The following FOXP1 variants were observed in gnomAD, a reference collection of about 807,000 sequenced individuals.
FOXP1 encodes forkhead box protein P1.
FOXP1 carries 15 observed loss-of-function variants against 98.2 expected under a neutral mutation model. That is an observed-to-expected ratio of 0.15 (90% confidence interval 0.10 to 0.24). FOXP1 has a LOEUF of 0.24. Among genes scored for constraint, FOXP1 ranks in the 10% least tolerant of loss-of-function variants. The pLI is 1.00. For synonymous variants in FOXP1, 371 were observed against 314.5 expected (o/e 1.18, Z -1.90); for missense variants, 633 against 848.5 (o/e 0.75, Z 3.15).
chr3:71,254,391 T>G (rs1419030534), intron 5 of FOXP1, among the ~76,000 whole-genome samples: 1 of 152,192 alleles, frequency 6.6e-6, no homozygotes, highest in African/African-American at 2.4e-5. Context: ...CTGACCTCAC[T>G]CATGGAGGTA....
At chr3:71,012,129 G>A (rs1467434096) in intron 12 of FOXP1, among the ~76,000 whole-genome samples, 1 of 152,098 alleles carries the variant, frequency 6.6e-6, no homozygotes, top group Non-Finnish European at 1.5e-5. Context: ...CTGAGCTTAT[G>A]GATAGCAATT....
chr3:71,442,750 G>A (rs1259291934), intron 3 of FOXP1, among the ~76,000 whole-genome samples: 1 of 152,222 alleles, frequency 6.6e-6, no homozygotes, highest in Non-Finnish European at 1.5e-5. Flanking sequence ...GGAAAACCAG[G>A]GAGAAGGGGA....
intron 3 of FOXP1, among the ~76,000 whole-genome samples, chr3:71,464,719 A>C (rs1229461809): frequency 1.3e-5 from 2 of 152,088 alleles, no homozygotes; most frequent in Non-Finnish European, 2.9e-5. Context: ...GGCCTCTCTG[A>C]TTTCCGCTCA....
intron 17 of FOXP1, 103 bp downstream of exon 17, chr3:70,976,838 A>G (rs2037670262): frequency 1.2e-6 from 1 of 830,046 alleles, no homozygotes; most frequent in South Asian, 1.4e-5. Flanking sequence ...GAGTATCAAA[A>G]CAATATAAAT....
chr3:71,082,371 A>T (rs2107531366), intron 7 of FOXP1, among the ~76,000 whole-genome samples: 1 of 152,094 alleles, frequency 6.6e-6, no homozygotes, highest in South Asian at 2.1e-4. Flanking sequence ...GCCACCACAT[A>T]AATTATAAGT....
At chr3:71,117,146 A>G (rs1476736204) in intron 6 of FOXP1, among the ~76,000 whole-genome samples, 1 of 151,820 alleles carries the variant, frequency 6.6e-6, no homozygotes, top group Non-Finnish European at 1.5e-5. Flanking sequence ...GAAGTGCAAT[A>G]GCACAATCAC....
chr3:71,492,445 C>T (rs1437433801), intron 3 of FOXP1, among the ~76,000 whole-genome samples: 1 of 149,428 alleles, frequency 6.7e-6, no homozygotes, highest in East Asian at 1.9e-4. Flanking sequence ...TGGGAAACTC[C>T]GTCTCCAAAA....
At chr3:71,087,462 A>G (rs556319536) in intron 7 of FOXP1, among the ~76,000 whole-genome samples, 3 of 152,342 alleles carry the variant, frequency 2.0e-5, no homozygotes, top group Admixed American at 6.5e-5. Context: ...CCTTGATGCA[A>G]CAAATAAGGG....
chr3:71,529,957 T>G (rs1385644051), intron 2 of FOXP1, among the ~76,000 whole-genome samples: 2 of 152,098 alleles, frequency 1.3e-5, no homozygotes, highest in African/African-American at 4.8e-5. Flanking sequence ...TTCTAGCCGG[T>G]GGGTCAGAAG....
intron 12 of FOXP1, among the ~76,000 whole-genome samples, chr3:71,012,273 A>G (rs190942975): frequency 9.6e-4 from 146 of 152,268 alleles, no homozygotes; most frequent in Admixed American, 1.6e-3. Flanking sequence ...TCAGAATTTA[A>G]AAGTGGCTCT....
chr3:71,502,086 T>C (rs185980578), intron 2 of FOXP1, among the ~76,000 whole-genome samples: 1 of 152,352 alleles, frequency 6.6e-6, no homozygotes, highest in East Asian at 1.9e-4. Context: ...ACCCTATCTA[T>C]AACAAGTTGC....
chr3:70,995,647 A>T lies in FOXP1; in HGVS notation c.1062+5325T>A, dbSNP rs1002362017. On this transcript the variant is annotated intron_variant, in intron 13 of 20. Transcript: ENST00000649528. The stretch of plus-strand genomic sequence containing the variant: ...TTTACACTTTTAGATCCCAGTTAAT[A>T]GCTGGGGTCCACTGGTAAAATGTTT... Among the ~76,000 whole-genome samples the T allele has an allele frequency of 2.0e-5, 3 of 152,332 alleles. No homozygotes were observed. The East Asian group carries it at 5.8e-4, about 29-fold the overall frequency.
chr3:71,536,573 CT>C (rs3039465), intron 2 of FOXP1, among the ~76,000 whole-genome samples: 6,546 of 134,916 alleles, frequency 0.049, 393 homozygotes, highest in African/African-American at 0.16. Flanking sequence ...AACCATGTCT[CT>C]TTTTTTTTTT....
At chr3:71,354,205 G>A (rs1434212566) in intron 4 of FOXP1, among the ~76,000 whole-genome samples, 1 of 151,452 alleles carries the variant, frequency 6.6e-6, no homozygotes, top group Non-Finnish European at 1.5e-5. Context: ...CTTGAACCCA[G>A]GAGCGGAGGT....
intron 2 of FOXP1, among the ~76,000 whole-genome samples, chr3:71,535,698 T>A (rs578048183): frequency 1.3e-5 from 2 of 152,166 alleles, no homozygotes; most frequent in African/African-American, 2.4e-5. Context: ...CACTCCAGAC[T>A]GGGTGACAGA....
At chr3:71,224,791 G>A (rs1248627269) in intron 5 of FOXP1, among the ~76,000 whole-genome samples, 3 of 152,158 alleles carry the variant, frequency 2.0e-5, no homozygotes, top group Non-Finnish European at 2.9e-5. Context: ...TAGCACTGTA[G>A]GCCAAGGACA....
chr3:71,044,172 G>C (rs886102908), intron 10 of FOXP1, among the ~76,000 whole-genome samples: 1 of 152,164 alleles, frequency 6.6e-6, no homozygotes, highest in Admixed American at 6.5e-5. Context: ...CAGATAAAAG[G>C]TAACCCAGTC....
chr3:71,202,439 T>C (rs1445312334), intron 5 of FOXP1, among the ~76,000 whole-genome samples: 1 of 152,208 alleles, frequency 6.6e-6, no homozygotes, highest in Non-Finnish European at 1.5e-5. Flanking sequence ...GCCAGCAATA[T>C]TTCTATCAAA....
At position 70,966,023 on chromosome 3, in the gene FOXP1, T is replaced by C. The variant is rs201516644; in HGVS notation, c.1756A>G (p.Thr586Ala). 1 of 1,614,172 alleles carries C rather than the reference T, an allele frequency of 6.2e-7. No individual in the cohort carries two copies. Among genetic ancestry groups the C allele is most frequent in the Non-Finnish European group, 8.5e-7 (1 of 1,180,012 alleles). ...GTGGGATTTCCCATGGAAGCGGTAG[T>C]GTATAGAGGTATACTATTCTCAGCC... Reference protein sequence around the residue: ...SMAENSIPLYTTASMGNPTLG... With the variant: ...SMAENSIPLYATASMGNPTLG... The change falls in exon 20 of 21, where the codon ACT (threonine) becomes GCT (alanine). Residue 586 changes from threonine (T) to alanine (A), a missense_variant. Thr to Ala is a moderately conservative substitution (Grantham distance 58). Around this residue, in one of 6 missense-constraint regions of FOXP1, gnomAD observed 150 missense variants for 163.7 expected, o/e 0.92. Transcript: ENST00000649528.
Sources: allele counts gnomAD v4.1 joint callset (sites outside exome capture counted in the v4.1 genomes callset), GRCh38; gene constraint gnomAD v4.1.1; regional missense constraint gnomAD v4.1.1; transcripts MANE v1.5; gene names NCBI Gene and HGNC (gene_info 2026-07-23, HGNC 2026-07-21).